Variants in NNMT observed in about 807,000 individuals in gnomAD.
NNMT encodes the protein nicotinamide N-methyltransferase.
NNMT carries 10 observed loss-of-function variants against 11.7 expected under a neutral mutation model. The observed-to-expected ratio is 0.85, with a 90% CI of 0.53 to 1.45. The LOEUF (loss-of-function observed/expected upper bound fraction) is 1.45. NNMT is among the 40% of genes most tolerant of loss of function. The pLI, the probability that NNMT is intolerant of heterozygous loss-of-function variation, is 0.00. For missense variants in NNMT, 381 were observed against 319.4 expected (o/e 1.19, Z -1.47); for synonymous variants, 143 against 133.8 (o/e 1.07, Z -0.48).
intron 2 of NNMT, among the ~76,000 whole-genome samples, chr11:114,286,464 A>G (rs1373408595): frequency 1.3e-5 from 2 of 152,210 alleles, no homozygotes; most frequent in Non-Finnish European, 2.9e-5. Context: ...TAATGAAATT[A>G]TCTCATTGTT....
At chr11:114,289,712 A>C (rs78860482) in intron 2 of NNMT, among the ~76,000 whole-genome samples, 2 of 152,304 alleles carry the variant, frequency 1.3e-5, no homozygotes, top group East Asian at 3.9e-4. Flanking sequence ...AGCAAGCCCT[A>C]TATCATTTCA....
intron 2 of NNMT, among the ~76,000 whole-genome samples, chr11:114,274,657 G>T (rs1156479912): frequency 6.6e-6 from 1 of 152,196 alleles, no homozygotes; most frequent in Non-Finnish European, 1.5e-5. Flanking sequence ...GGAAGAGTGA[G>T]TTCTATAAAG....
intron 1 of NNMT, among the ~76,000 whole-genome samples, chr11:114,258,382 C>T (rs748951113): frequency 3.9e-5 from 6 of 152,232 alleles, no homozygotes; most frequent in Admixed American, 6.5e-5. Context: ...TGAGGCCCGG[C>T]GCCAGCAGAG....
intron 2 of NNMT, among the ~76,000 whole-genome samples, chr11:114,274,906 C>T (rs1228706090): frequency 6.6e-6 from 1 of 152,190 alleles, no homozygotes; most frequent in Non-Finnish European, 1.5e-5. Context: ...GGTGACCTCT[C>T]ACTGCTGGGA....
chr11:114,271,152 T>C (rs1428185959), intron 2 of NNMT, among the ~76,000 whole-genome samples: 1 of 152,120 alleles, frequency 6.6e-6, no homozygotes, highest in Admixed American at 6.5e-5. Flanking sequence ...CATATGAATT[T>C]TGGGAGTGGG....
At chr11:114,285,947 A>G (rs958151376) in intron 2 of NNMT, among the ~76,000 whole-genome samples, 4 of 152,180 alleles carry the variant, frequency 2.6e-5, no homozygotes, top group Non-Finnish European at 5.9e-5. Flanking sequence ...GGGCCCTCTG[A>G]TCTACAGTAG....
chr11:114,268,700 C>T (rs956908615), intron 2 of NNMT, among the ~76,000 whole-genome samples: 14 of 147,100 alleles, frequency 9.5e-5, no homozygotes, highest in Non-Finnish European at 1.5e-4. Flanking sequence ...ACCTGGGAGG[C>T]GCAGCTTGCA....
upstream of NNMT, chr11:114,296,320 C>T (rs185634632): frequency 6.5e-5 from 31 of 478,326 alleles, no homozygotes; most frequent in Admixed American, 4.6e-4. Context: ...CCCTCCACCC[C>T]CGTTCGCCTA....
chr11:114,299,472 A>G (rs1215986923), intron 2 of NNMT, among the ~76,000 whole-genome samples: 2 of 152,244 alleles, frequency 1.3e-5, no homozygotes, highest in African/African-American at 4.8e-5. Flanking sequence ...TAATTGAGCT[A>G]TAATTTTCTT....
chr11:114,305,934 A>T (rs1379679384), intron 2 of NNMT, among the ~76,000 whole-genome samples: 2 of 152,194 alleles, frequency 1.3e-5, no homozygotes, highest in Non-Finnish European at 2.9e-5. Flanking sequence ...ACTGACTTCC[A>T]CAATGGTTGA....
chr11:114,278,064 A>G (rs550507554), intron 2 of NNMT, among the ~76,000 whole-genome samples: 1 of 152,296 alleles, frequency 6.6e-6, no homozygotes, highest in South Asian at 2.1e-4. Flanking sequence ...GTAAAGGAAT[A>G]CCTGAGACTG....
At chr11:114,278,127 A>G (rs533027053) in intron 2 of NNMT, among the ~76,000 whole-genome samples, 2 of 152,348 alleles carry the variant, frequency 1.3e-5, no homozygotes, top group South Asian at 2.1e-4. Flanking sequence ...TGCAGGCTGT[A>G]CAAGCATGGC....
At position 114,313,072 on chromosome 11, in the gene NNMT, C is replaced by T. The variant is rs1945569793; in HGVS notation, c.*595C>T. 6.6e-6 allele frequency: 1 copy of T among 152,324 alleles called. No homozygotes were observed. Among genetic ancestry groups the T allele is most frequent in the Non-Finnish European group, 1.5e-5 (1 of 68,124 alleles). The allele number at this position is 152,324 out of a possible 1,614,324, so 9.4% of individuals were successfully genotyped here. On this transcript the variant is annotated 3_prime_UTR_variant, in exon 3 of 3. Coordinates refer to ENST00000299964, the MANE Select transcript of NNMT (RefSeq NM_006169.3). Reference sequence around the variant, plus strand: ...ACAAAGATCACTCCATTTTCAAATTCAGACTCTGCCACTTATTAGCTGTTT... The same window carrying T: ...ACAAAGATCACTCCATTTTCAAATTTAGACTCTGCCACTTATTAGCTGTTT...
In NNMT at chr11:114,273,069, A is replaced by G. The variant is rs148679305; in HGVS notation, c.-130+10135A>G. On this transcript the variant is annotated intron_variant, in intron 2 of 4. Transcript: ENST00000535401. ...ATGTGCCTCTGATTTTATATTGCCTATGGACCTGACTACTGTAGTGTGGTA... is the reference window on the plus strand; with the variant it reads ...ATGTGCCTCTGATTTTATATTGCCTGTGGACCTGACTACTGTAGTGTGGTA... Among the ~76,000 whole-genome samples the G allele has an allele frequency of 9.2e-5, 14 of 152,290 alleles. No homozygotes were observed. The East Asian group carries it at 1.5e-3, about 17-fold the overall frequency.
chr11:114,290,231 G>C (rs1019886973), intron 2 of NNMT, among the ~76,000 whole-genome samples: 6 of 152,168 alleles, frequency 3.9e-5, no homozygotes, highest in Non-Finnish European at 1.5e-5. Flanking sequence ...TAATCCTGCT[G>C]TTCATGTAAT....
At chr11:114,283,518 GA>G (rs1322821594) in intron 2 of NNMT, among the ~76,000 whole-genome samples, 2 of 152,142 alleles carry the variant, frequency 1.3e-5, no homozygotes, top group Non-Finnish European at 2.9e-5. Flanking sequence ...AATAAAAGGG[GA>G]GGAAGAAAAT....
intron 2 of NNMT, among the ~76,000 whole-genome samples, chr11:114,306,043 AAGTGGTGTG>A (rs1945489320): frequency 6.6e-6 from 1 of 152,148 alleles, no homozygotes; most frequent in Non-Finnish European, 1.5e-5. Context: ...TCACCATTCT[AAGTGGTGTG>A]AGATGGTGTC....
intron 2 of NNMT, among the ~76,000 whole-genome samples, chr11:114,278,593 G>A (rs528181818): frequency 6.6e-6 from 1 of 151,484 alleles, no homozygotes; most frequent in Non-Finnish European, 1.5e-5. Flanking sequence ...GGTAGGGGTG[G>A]GAGGTGGACC....
intron 1 of NNMT, among the ~76,000 whole-genome samples, chr11:114,258,486 C>A (rs1193923717): frequency 6.6e-6 from 1 of 152,242 alleles, no homozygotes; most frequent in Non-Finnish European, 1.5e-5. Flanking sequence ...CACGGCCAGG[C>A]CTTCCCATGT....
Sources: gnomAD v4.1 joint callset for allele counts (sites outside exome capture counted in the v4.1 genomes callset) on GRCh38, gnomAD v4.1.1 for gene constraint, MANE v1.5 for transcripts, NCBI Gene and HGNC (gene_info 2026-07-23, HGNC 2026-07-21) for gene names.